The following FARS2 variants were observed in gnomAD, a reference collection of about 807,000 sequenced individuals.
FARS2 encodes phenylalanyl-tRNA synthetase 2, mitochondrial, also known as phenylalanine--tRNA ligase, mitochondrial.
FARS2 carries 40 observed loss-of-function variants against 46.4 expected under a neutral mutation model. The ratio of observed to expected loss-of-function variants is 0.86; its 90% CI spans 0.67 to 1.12. The LOEUF (loss-of-function observed/expected upper bound fraction) is 1.12, where lower values mean the gene tolerates loss of function less well. FARS2 is among the 50% of genes most tolerant of loss of function. The pLI is 0.00. For missense variants in FARS2, 513 were observed against 567.9 expected (o/e 0.90, Z 0.98); for synonymous variants, 234 against 214.9 (o/e 1.09, Z -0.78).
chr6:5,566,681 A>G (rs1311122283), intron 5 of FARS2, among the ~76,000 whole-genome samples: 1 of 152,246 alleles, frequency 6.6e-6, no homozygotes, highest in Non-Finnish European at 1.5e-5. Flanking sequence ...AAAAACATGA[A>G]GGACTTTTAA....
intron 1 of FARS2, chr6:5,272,301 G>A (rs898826189): frequency 6.8e-6 from 1 of 147,798 alleles, no homozygotes; most frequent in Non-Finnish European, 1.5e-5. Flanking sequence ...ATTACGGTAG[G>A]TATATTGTTA....
At chr6:5,304,629 G>GTGTTTA (rs1288924394) in intron 1 of FARS2, among the ~76,000 whole-genome samples, 4 of 152,098 alleles carry the variant, frequency 2.6e-5, no homozygotes, top group African/African-American at 9.7e-5. Flanking sequence ...ATGAGAAGCT[G>GTGTTTA]TGTTTATGTT....
chr6:5,441,132 G>A (rs182277348), intron 4 of FARS2, among the ~76,000 whole-genome samples: 55 of 152,216 alleles, frequency 3.6e-4, no homozygotes, highest in African/African-American at 1.2e-3. Context: ...ATTTTGGCCA[G>A]GCTGGTCTCG....
chr6:5,475,186 C>A (rs945076997), intron 4 of FARS2, among the ~76,000 whole-genome samples: 4 of 152,170 alleles, frequency 2.6e-5, no homozygotes, highest in African/African-American at 4.8e-5. Context: ...CTGACTTAGT[C>A]TTTGAAGAGG....
intron 6 of FARS2, among the ~76,000 whole-genome samples, chr6:5,762,058 A>G (rs924209975): frequency 5.9e-5 from 9 of 152,150 alleles, no homozygotes; most frequent in Non-Finnish European, 8.8e-5. Context: ...GGGTTCATCT[A>G]TGTTGTAGCA....
chr6:5,429,511 A>G (rs932443780), intron 3 of FARS2, among the ~76,000 whole-genome samples: 2 of 152,182 alleles, frequency 1.3e-5, no homozygotes, highest in African/African-American at 4.8e-5. Context: ...AACTGTCAAG[A>G]GCTGGGTTTT....
chr6:5,341,218 TATATATATATA>T (rs1444699873), intron 1 of FARS2, among the ~76,000 whole-genome samples: 179 of 7,418 alleles, frequency 0.024, 19 homozygotes, highest in African/African-American at 0.062. Context: ...TATATATATA[TATATATATATA>T]TATATATTTT....
At chr6:5,745,687 G>A (rs547347227) in intron 6 of FARS2, among the ~76,000 whole-genome samples, 9 of 152,194 alleles carry the variant, frequency 5.9e-5, no homozygotes, top group East Asian at 1.9e-4. Flanking sequence ...TACAAGGCAC[G>A]CACCACCATG....
intron 4 of FARS2, among the ~76,000 whole-genome samples, chr6:5,481,591 C>T (rs1766459738): frequency 1.3e-5 from 2 of 152,186 alleles, no homozygotes; most frequent in Non-Finnish European, 2.9e-5. Flanking sequence ...AAGAAAACAA[C>T]AATTTGATGC....
chr6:5,649,464 C>G (rs1052025905), intron 6 of FARS2, among the ~76,000 whole-genome samples: 4 of 152,110 alleles, frequency 2.6e-5, no homozygotes, highest in Admixed American at 6.5e-5. Context: ...TTCTGGTGAC[C>G]CTTGAGGTTT....
chr6:5,623,866 A>G lies in FARS2; in HGVS notation c.1217+10546A>G, dbSNP rs1036205545. 8.5e-5 allele frequency among the ~76,000 whole-genome samples: 13 copies of G among 152,224 alleles called. 1 individual carries two copies. The highest frequency in any genetic ancestry group is 1.8e-4 in the Non-Finnish European group (12 of 68,034). ...ATGACATTTCTGGTTTGCAAATCAC[A>G]TCCTGGTCTTATTCCTCTGGACAGA... is the stretch of plus-strand genomic sequence containing the variant. On this transcript the variant is annotated intron_variant, in intron 6 of 6. Transcript: ENST00000274680.
At chr6:5,552,045 T>C (rs1414812355) in intron 5 of FARS2, among the ~76,000 whole-genome samples, 1 of 152,218 alleles carries the variant, frequency 6.6e-6, no homozygotes, top group African/African-American at 2.4e-5. Context: ...GGCTATTATT[T>C]AGCCTATCAC....
intron 6 of FARS2, among the ~76,000 whole-genome samples, chr6:5,701,417 A>T: frequency 6.6e-6 from 1 of 152,224 alleles, no homozygotes; most frequent in East Asian, 1.9e-4. Context: ...CATGCAGTTC[A>T]GGGTCCTGTT....
At position 5,731,840 on chromosome 6, in the gene FARS2, T is replaced by C. The variant is rs536462959; in HGVS notation, c.1218-39451T>C. The stretch of plus-strand genomic sequence containing the variant: ...AGGTCCTCAACATTTGCTAGATGGC[T>C]GGGACCCTTCCCCCTCTCAGTGTCC... On this transcript the variant is annotated intron_variant, in intron 6 of 6. Transcript: ENST00000274680. Among the ~76,000 whole-genome samples, 3 of 152,300 alleles carry C rather than the reference T, an allele frequency of 2.0e-5. No homozygotes were observed. In the South Asian group the frequency reaches 6.2e-4, roughly 32 times the overall value.
intron 6 of FARS2, among the ~76,000 whole-genome samples, chr6:5,723,248 A>T (rs564934614): frequency 5.3e-5 from 8 of 152,214 alleles, no homozygotes; most frequent in Non-Finnish European, 1.0e-4. Context: ...ATATAAAAAG[A>T]GAATAAGGGT....
chr6:5,473,533 CAAA>C (rs368264799), intron 4 of FARS2, among the ~76,000 whole-genome samples: 1 of 82,130 alleles, frequency 1.2e-5, no homozygotes, highest in Non-Finnish European at 2.8e-5. Flanking sequence ...TCTCAAAAAA[CAAA>C]AAAAAAAACA....
intron 4 of FARS2, among the ~76,000 whole-genome samples, chr6:5,517,135 T>G (rs1768853392): frequency 6.6e-6 from 1 of 152,136 alleles, no homozygotes; most frequent in African/African-American, 2.4e-5. Context: ...GAGCTGAATT[T>G]CAAAGAATGA....
chr6:5,670,302 C>T (rs1778386430), intron 6 of FARS2, among the ~76,000 whole-genome samples: 1 of 152,212 alleles, frequency 6.6e-6, no homozygotes, highest in African/African-American at 2.4e-5. Context: ...ACATATTCAA[C>T]AGGCAGTACA....
intron 6 of FARS2, among the ~76,000 whole-genome samples, chr6:5,651,828 A>C (rs1201459729): frequency 6.6e-6 from 1 of 152,210 alleles, no homozygotes; most frequent in Non-Finnish European, 1.5e-5. Context: ...TCATTAGTCT[A>C]AAATGGCATA....
Sources: allele counts gnomAD v4.1 joint callset (sites outside exome capture counted in the v4.1 genomes callset), GRCh38; gene constraint gnomAD v4.1.1; transcripts MANE v1.5; gene names NCBI Gene and HGNC (gene_info 2026-07-23, HGNC 2026-07-21).